NR3C2: variants seen among roughly 807,000 people sequenced by gnomAD.
NR3C2 encodes mineralocorticoid receptor.
A neutral mutation model predicts 86.4 loss-of-function variants in NR3C2; 15 were observed. The observed-to-expected ratio is 0.17, with a 90% CI of 0.12 to 0.27. The LOEUF (loss-of-function observed/expected upper bound fraction) is 0.27, where lower values mean the gene tolerates loss of function less well. Among genes scored for constraint, NR3C2 ranks in the 10% least tolerant of loss-of-function variants. The pLI, the probability that NR3C2 is intolerant of heterozygous loss-of-function variation, is 1.00. For synonymous variants in NR3C2, 458 were observed against 450.5 expected (o/e 1.02, Z -0.21); for missense variants, 960 against 1,195.6 (o/e 0.80, Z 2.91).
At chr4:148,284,956 C>T (rs1284208385) in intron 2 of NR3C2, among the ~76,000 whole-genome samples, 2 of 152,208 alleles carry the variant, frequency 1.3e-5, no homozygotes, top group Non-Finnish European at 2.9e-5. Context: ...TATAACTCCC[C>T]TCTAGTTACA....
At chr4:148,240,219 G>A (rs1738953859) in intron 3 of NR3C2, among the ~76,000 whole-genome samples, 1 of 144,408 alleles carries the variant, frequency 6.9e-6, no homozygotes, top group African/African-American at 2.5e-5. Context: ...CAGATTATCA[G>A]ATATTTTATA....
chr4:148,242,222 AT>A (rs1739090429), intron 3 of NR3C2, among the ~76,000 whole-genome samples: 1 of 152,218 alleles, frequency 6.6e-6, no homozygotes, highest in South Asian at 2.1e-4. Context: ...TTTTATCACC[AT>A]TGAAAACTGC....
At chr4:148,416,427 T>C (rs1453692679) in intron 2 of NR3C2, among the ~76,000 whole-genome samples, 1 of 152,212 alleles carries the variant, frequency 6.6e-6, no homozygotes, top group Non-Finnish European at 1.5e-5. Context: ...TTCTATCATC[T>C]CCATTTTACA....
chr4:148,308,849 G>A (rs1168133977), intron 2 of NR3C2, among the ~76,000 whole-genome samples: 1 of 152,068 alleles, frequency 6.6e-6, no homozygotes, highest in African/African-American at 2.4e-5. Context: ...TAGGCATGGT[G>A]GCACATGCCT....
At chr4:148,088,780 G>A (rs1423856637) in intron 8 of NR3C2, among the ~76,000 whole-genome samples, 1 of 152,080 alleles carries the variant, frequency 6.6e-6, no homozygotes, top group Admixed American at 6.5e-5. Context: ...AGGTTGATGG[G>A]TGCAGCAAAC....
chr4:148,442,815 C>T (rs1055182409), upstream of NR3C2: 5 of 985,314 alleles, frequency 5.1e-6, no homozygotes, highest in East Asian at 5.7e-4. Flanking sequence ...CGCTCGGCCG[C>T]CCCAAACTTG....
intron 3 of NR3C2, chr4:148,208,964 CG>C (rs1230648369): frequency 6.6e-6 from 1 of 152,024 alleles, no homozygotes; most frequent in Non-Finnish European, 1.5e-5. Flanking sequence ...AAAAAATGGC[CG>C]GGCGCGGTGG....
chr4:148,150,446 C>G (rs557703954), intron 6 of NR3C2, among the ~76,000 whole-genome samples: 1 of 152,124 alleles, frequency 6.6e-6, no homozygotes, highest in Admixed American at 6.5e-5. Context: ...CTCTGTGAGG[C>G]GCATCATAGC....
chr4:148,190,482 C>T lies in NR3C2; in HGVS notation c.2014+4264G>A, dbSNP rs558826140. On this transcript the variant is annotated intron_variant, in intron 4 of 8. Coordinates refer to ENST00000358102, the MANE Select transcript of NR3C2 (RefSeq NM_000901.5). ...GGTCCATCTTGGAGAAAGTTCCATGCGCTGTTGAATAGAATGTGTATTCTG... is the reference window on the plus strand; with the variant it reads ...GGTCCATCTTGGAGAAAGTTCCATGTGCTGTTGAATAGAATGTGTATTCTG... 8.5e-5 allele frequency among the ~76,000 whole-genome samples: 13 copies of T among 152,222 alleles called. No homozygotes were observed. The East Asian group carries it at 9.6e-4, about 11-fold the overall frequency.
At chr4:148,134,643 CTTTTT>C (rs1175816621) in intron 6 of NR3C2, among the ~76,000 whole-genome samples, 39 of 40,804 alleles carry the variant, frequency 9.6e-4, no homozygotes, top group Admixed American at 3.0e-3. Flanking sequence ...CTCTCTCTCT[CTTTTT>C]TTTTTTTTTT....
At chr4:148,406,101 G>A (rs1748410687) in intron 2 of NR3C2, among the ~76,000 whole-genome samples, 1 of 152,178 alleles carries the variant, frequency 6.6e-6, no homozygotes, top group Non-Finnish European at 1.5e-5. Context: ...AGGAGACTGA[G>A]GCTGTAGTGA....
chr4:148,431,374 C>A (rs1423037585), intron 2 of NR3C2, among the ~76,000 whole-genome samples: 1 of 152,104 alleles, frequency 6.6e-6, no homozygotes, highest in African/African-American at 2.4e-5. Context: ...TTTGATTCTT[C>A]AAAGGAAATT....
At chr4:148,367,370 T>C (rs142902249) in intron 2 of NR3C2, among the ~76,000 whole-genome samples, 44 of 152,310 alleles carry the variant, frequency 2.9e-4, no homozygotes, top group Non-Finnish European at 1.3e-4. Context: ...AATACAATCA[T>C]AATGTTAAAT....
chr4:148,112,922 T>C (rs1732108562), intron 8 of NR3C2, among the ~76,000 whole-genome samples: 1 of 152,064 alleles, frequency 6.6e-6, no homozygotes, highest in Non-Finnish European at 1.5e-5. Context: ...TTTAAAAGAG[T>C]TTCCTACTCA....
intron 2 of NR3C2, among the ~76,000 whole-genome samples, chr4:148,418,970 C>T (rs1383127759): frequency 6.6e-6 from 1 of 152,142 alleles, no homozygotes; most frequent in African/African-American, 2.4e-5. Flanking sequence ...ATAATATCCT[C>T]CCTAGAGGAT....
intron 4 of NR3C2, among the ~76,000 whole-genome samples, chr4:148,159,892 T>C (rs1474540668): frequency 4.6e-5 from 7 of 152,208 alleles, no homozygotes; most frequent in African/African-American, 1.2e-4. Context: ...TAAATCAATA[T>C]TGAGTTTATG....
chr4:148,217,619 G>A (rs1737609367), intron 3 of NR3C2, among the ~76,000 whole-genome samples: 1 of 152,150 alleles, frequency 6.6e-6, no homozygotes, highest in African/African-American at 2.4e-5. Context: ...GCTGACCTAT[G>A]CTGGTTTGCC....
chr4:148,210,480 T>G (rs563144246), intron 3 of NR3C2, among the ~76,000 whole-genome samples: 45 of 152,284 alleles, frequency 3.0e-4, no homozygotes, highest in African/African-American at 9.1e-4. Context: ...CAGGAGCCAT[T>G]GCACCCAGCC....
chr4:148,421,273 C>T (rs142677345), intron 2 of NR3C2, among the ~76,000 whole-genome samples: 25 of 152,334 alleles, frequency 1.6e-4, no homozygotes, highest in African/African-American at 6.0e-4. Context: ...TCACCACCAT[C>T]CATCTTCAGA....
Sources: gnomAD v4.1 joint callset for allele counts (sites outside exome capture counted in the v4.1 genomes callset) on GRCh38, gnomAD v4.1.1 for gene constraint, MANE v1.5 for transcripts, NCBI Gene and HGNC (gene_info 2026-07-23, HGNC 2026-07-21) for gene names.